Variants in GPR132 observed in about 807,000 individuals in gnomAD.
GPR132 encodes the protein probable G protein-coupled receptor 132.
In GPR132, 4 loss-of-function variants were observed where a neutral mutation model predicts 1.9. The observed-to-expected ratio is 2.13, with a 90% confidence interval of 1.05 to 4.87. GPR132 has a LOEUF of 4.87. Among genes scored for constraint, GPR132 ranks in the 30% most tolerant of loss-of-function variants. The probability of loss-of-function intolerance (pLI) is 0.01; values close to 1 mark genes in which losing one functional copy is unlikely to be tolerated. For synonymous variants in GPR132, 233 were observed against 234.2 expected (o/e 0.99, Z 0.05); for missense variants, 404 against 512.5 (o/e 0.79, Z 2.04).
intron 1 of GPR132, 121 bp from the exon 2 acceptor site, chr14:105,057,401 T>C (rs1886824629): frequency 3.8e-6 from 2 of 522,552 alleles, no homozygotes; most frequent in East Asian, 3.1e-5. Context: ...TTCGTAGGTG[T>C]TTTTTAAATG....
At position 105,060,393 on chromosome 14, in the gene GPR132, C is replaced by A. The variant is rs1284405390; in HGVS notation, c.-860-3113G>T. On this transcript the variant is annotated intron_variant, in intron 1 of 3. Transcript: ENST00000329797. This position sits in a 1 kb window ranked among gnomAD's most constrained non-coding sequence, Gnocchi z 6.3. The stretch of plus-strand genomic sequence containing the variant: ...GGGGCATGTCAGAGCCACCTGAGAC[C>A]AGTCCTGTTCCTTCTGAGCCCCGGG... Among the ~76,000 whole-genome samples, 1 of 152,180 alleles carries A rather than the reference C, an allele frequency of 6.6e-6. No homozygotes were observed. The highest frequency in any genetic ancestry group is 2.4e-5 in the African/African-American group (1 of 41,444).
rs751749467 is a variant in GPR132 at position 105,055,434 on chromosome 14, C to T, written c.-14G>A. The stretch of plus-strand genomic sequence containing the variant: ...CATTGGGCACATTCACATTCTTCTG[C>T]AACCATCGCCAGCATCCGTCGGCAG... On this transcript the variant is annotated 5_prime_UTR_variant, in exon 3 of 4. Coordinates refer to ENST00000329797, the MANE Select transcript of GPR132 (RefSeq NM_013345.4). This position sits in a 1 kb window ranked among gnomAD's most constrained non-coding sequence, Gnocchi z 4.7. 3 of 780,554 alleles carry T rather than the reference C, an allele frequency of 3.8e-6. No homozygotes were observed. The South Asian group carries it at 4.0e-5, about 10-fold the overall frequency. The allele number at this position is 780,554 out of a possible 1,614,324, so 48.4% of individuals were successfully genotyped here.
rs371347033 is a variant in GPR132 at position 105,058,944 on chromosome 14, G to A, written c.-860-1664C>T. Reference sequence around the variant, plus strand: ...CAGCCCTGCAAAGCCTGAGGGTCTCGCTCTGCTGTTTCCGGGCCCTGCAGT... The same window carrying A: ...CAGCCCTGCAAAGCCTGAGGGTCTCACTCTGCTGTTTCCGGGCCCTGCAGT... On this transcript the variant is annotated intron_variant, in intron 1 of 3. Transcript: ENST00000329797. 2.0e-4 allele frequency among the ~76,000 whole-genome samples: 30 copies of A among 152,238 alleles called. 1 individual carries two copies. Among genetic ancestry groups the A allele is most frequent in the Admixed American group, 1.5e-3 (23 of 15,288 alleles).
In GPR132 at chr14:105,051,492, G is replaced by A. The variant is rs374916742; in HGVS notation, c.645C>T (p.Ile215=). The part of the protein sequence containing the change: ...TVGFAIPLSI[I]AFTNHRIFRS... Reference sequence around the variant, plus strand: ...TGAAAATCCGGTGGTTGGTGAAGGCGATGATGGAGAGAGGGATGGCAAAGC... The same window carrying A: ...TGAAAATCCGGTGGTTGGTGAAGGCAATGATGGAGAGAGGGATGGCAAAGC... Residue 215 remains isoleucine (I), a synonymous_variant, in exon 4 of 4, where the codon ATC becomes ATT. Transcript: ENST00000329797. This position sits in a 1 kb window ranked among gnomAD's most constrained non-coding sequence, Gnocchi z 8.0. 2.0e-4 allele frequency: 325 copies of A among 1,613,898 alleles called. No individual in the cohort carries two copies. The highest frequency in any genetic ancestry group is 2.7e-4 in the Non-Finnish European group (316 of 1,180,044).
rs867075499 is a variant in GPR132 at position 105,057,170 on chromosome 14, G to A, written c.-750C>T. The A allele has an allele frequency of 1.3e-5, 20 of 1,532,282 alleles. No homozygotes were observed. Among genetic ancestry groups the A allele is most frequent in the Non-Finnish European group, 1.5e-5 (17 of 1,143,616 alleles). The allele number at this position is 1,532,282 out of a possible 1,614,324, so 94.9% of individuals were successfully genotyped here. On this transcript the variant is annotated 5_prime_UTR_variant, in exon 2 of 4. Transcript: ENST00000329797. ...AAGTCGGAGAAGGCTCTCTCACCTG[G>A]CATATTTTGCGGGTTCCAATCTCAG...
chr14:105,063,410 C>T (rs866900038), intron 1 of GPR132, among the ~76,000 whole-genome samples: 4 of 151,002 alleles, frequency 2.6e-5, no homozygotes, highest in Admixed American at 1.3e-4. Flanking sequence ...GTTTCTCTCT[C>T]GTTGCCCAGG....
chr14:105,057,608 C>T (rs1422644736), intron 1 of GPR132: 1 of 156,076 alleles, frequency 6.4e-6, no homozygotes, highest in Non-Finnish European at 1.4e-5. Context: ...GCAACCTCTG[C>T]CTCCCGGGTT....
At chr14:105,062,628 C>T (rs1356844066) in intron 1 of GPR132, among the ~76,000 whole-genome samples, 3 of 149,538 alleles carry the variant, frequency 2.0e-5, no homozygotes, top group East Asian at 2.0e-4. Context: ...GCAACCTCTA[C>T]CTCCCAGGTT....
rs1886615607 is a variant in GPR132 at position 105,050,893 on chromosome 14, C to G, written c.*101G>C. On this transcript the variant is annotated 3_prime_UTR_variant, in exon 4 of 4. Coordinates refer to ENST00000329797, the MANE Select transcript of GPR132 (RefSeq NM_013345.4). The surrounding 1 kb of genome is among the most constrained non-coding windows in gnomAD (Gnocchi z 4.0). The stretch of plus-strand genomic sequence containing the variant: ...AACGAGAAATTGGTAGTTTGTCTTC[C>G]AGAGGGGACATGGGCACTGTGGCTG... 3 of 1,100,786 alleles carry G rather than the reference C, an allele frequency of 2.7e-6. No individual in the cohort carries two copies. Among genetic ancestry groups the G allele is most frequent in the Non-Finnish European group, 3.9e-6 (3 of 762,732 alleles). 68.2% of individuals were successfully genotyped at this position (1,100,786 alleles called of 1,614,324 possible).
At chr14:105,054,285 C>T in intron 3 of GPR132, 1 of 1,084,782 alleles carries the variant, frequency 9.2e-7, no homozygotes, top group Non-Finnish European at 1.1e-6. Flanking sequence ...GCCCGCTGGC[C>T]TCAGGAACCT....
rs573530505 is a variant in GPR132 at position 105,051,852 on chromosome 14, C to T, written c.285G>A (p.Leu95=). Residue 95 remains leucine (L), a synonymous_variant, in exon 4 of 4, where the codon CTG becomes CTA. Transcript: ENST00000329797. This position sits in a 1 kb window ranked among gnomAD's most constrained non-coding sequence, Gnocchi z 8.0. Reference sequence around the variant, plus strand: ...TGCGGATATAGATGACCCAGAGTGGCAGCGTGCCTGTGTACAGCAGCTCGC... The same window carrying T: ...TGCGGATATAGATGACCCAGAGTGGTAGCGTGCCTGTGTACAGCAGCTCGC... The part of the protein sequence containing the change: ...ALCELLYTGT[L]PLWVIYIRNQ... 5.6e-6 allele frequency: 9 copies of T among 1,614,004 alleles called. No homozygotes were observed. Among genetic ancestry groups the T allele is most frequent in the Middle Eastern group, 1.6e-4 (1 of 6,062 alleles).
rs143825936 is a variant in GPR132 at position 105,061,496 on chromosome 14, T to C, written c.-861+3883A>G. 3.2e-3 allele frequency among the ~76,000 whole-genome samples: 482 copies of C among 152,250 alleles called. 2 individuals are homozygous for C. Among genetic ancestry groups the C allele is most frequent in the African/African-American group, 0.01 (435 of 41,538 alleles). ...AGGGCCCTCTCTCCGGCCAGCCCAGTGGCCCCACCCGCCAGCTGCAGTGTC... is the reference window on the plus strand; with the variant it reads ...AGGGCCCTCTCTCCGGCCAGCCCAGCGGCCCCACCCGCCAGCTGCAGTGTC... On this transcript the variant is annotated intron_variant, in intron 1 of 3. Coordinates refer to ENST00000329797, the MANE Select transcript of GPR132 (RefSeq NM_013345.4).
rs118125066 is a variant in GPR132, at chr14:105,063,143, G to A, written c.-861+2236C>T. On this transcript the variant is annotated intron_variant, in intron 1 of 3. Transcript: ENST00000329797. Reference sequence around the variant, plus strand: ...CCTATGTTACCCAGGCTGGTCTCGAGCTCCTGGGCTCAAGAAATCCGCCGG... The same window carrying A: ...CCTATGTTACCCAGGCTGGTCTCGAACTCCTGGGCTCAAGAAATCCGCCGG... Among the ~76,000 whole-genome samples, 224 of 152,102 alleles carry A rather than the reference G, an allele frequency of 1.5e-3. 6 individuals carry two copies. The East Asian group carries it at 0.027, about 18-fold the overall frequency.
In GPR132 at chr14:105,055,633, C is replaced by T. The variant is rs913762304; in HGVS notation, c.-213G>A. 1.5e-5 allele frequency: 9 copies of T among 603,094 alleles called. No individual in the cohort carries two copies. Among genetic ancestry groups the T allele is most frequent in the African/African-American group, 5.6e-5 (3 of 53,814 alleles). The allele number at this position is 603,094 out of a possible 1,614,324, so 37.4% of individuals were successfully genotyped here. On this transcript the variant is annotated 5_prime_UTR_variant, in exon 3 of 4. The change creates a new upstream start codon in the 5' untranslated region. Transcript: ENST00000329797. This position sits in a 1 kb window ranked among gnomAD's most constrained non-coding sequence, Gnocchi z 4.7. ...TCAGCGTGTGTCCTTCCGTGTCTCA[C>T]GTGCTCCACTCACCACAGTGTCCTC...
chr14:105,064,382 AG>A (rs1473658277), intron 1 of GPR132, among the ~76,000 whole-genome samples: 1 of 151,278 alleles, frequency 6.6e-6, no homozygotes, highest in African/African-American at 2.4e-5. Flanking sequence ...TGCCCAGGCT[AG>A]AGTGCAATGG....
In GPR132 at chr14:105,050,686, C is replaced by A; in HGVS notation, c.*308G>T. On this transcript the variant is annotated 3_prime_UTR_variant, in exon 4 of 4. Transcript: ENST00000329797. This position sits in a 1 kb window ranked among gnomAD's most constrained non-coding sequence, Gnocchi z 4.0. ...GCCACCAGGTACCTCTGCCAGCAGGCGTGCTACCTGCCCACAGCCAAGGGA... is the reference window on the plus strand; with the variant it reads ...GCCACCAGGTACCTCTGCCAGCAGGAGTGCTACCTGCCCACAGCCAAGGGA... The A allele has an allele frequency of 2.2e-6, 1 of 454,014 alleles. No homozygotes were observed. The allele number at this position is 454,014 out of a possible 1,614,324, so 28.1% of individuals were successfully genotyped here. A position where few individuals can be genotyped will look rare whatever the true frequency, so the allele number is the denominator to read the frequency against.
At chr14:105,053,028 T>G (rs1886693228) in intron 3 of GPR132, among the ~76,000 whole-genome samples, 1 of 152,038 alleles carries the variant, frequency 6.6e-6, no homozygotes, top group Admixed American at 6.6e-5. Context: ...TGTGAGTGCT[T>G]TTCTAAGCAG....
intron 3 of GPR132, among the ~76,000 whole-genome samples, chr14:105,053,147 C>CTTTTT (rs1162515395): frequency 4.0e-5 from 4 of 98,986 alleles, no homozygotes; most frequent in East Asian, 3.7e-4. Flanking sequence ...AACCTGTAGT[C>CTTTTT]TTTTTTTTTT....
Position 105,049,497 on chromosome 14 carries a change from A to G in GPR132, c.*1497T>C, listed in dbSNP as rs1886573309. ...AGGCTGGTCTCAAACTCCTGACCTCAACTGATCCTCCCGTCTCGGCCTCCC... is the reference window on the plus strand; with the variant it reads ...AGGCTGGTCTCAAACTCCTGACCTCGACTGATCCTCCCGTCTCGGCCTCCC... On this transcript the variant is annotated 3_prime_UTR_variant, in exon 4 of 4. Transcript: ENST00000329797. The G allele has an allele frequency of 6.6e-6, 1 of 151,994 alleles. No homozygotes were observed. Among genetic ancestry groups the G allele is most frequent in the Non-Finnish European group, 1.5e-5 (1 of 67,996 alleles). 9.4% of individuals were successfully genotyped at this position (151,994 alleles called of 1,614,324 possible).
Sources: gnomAD v4.1 joint callset for allele counts (sites outside exome capture counted in the v4.1 genomes callset) on GRCh38, gnomAD v4.1.1 for gene constraint, Gnocchi (gnomAD v3.1) non-coding constraint, MANE v1.5 for transcripts, NCBI Gene and HGNC (gene_info 2026-07-23, HGNC 2026-07-21) for gene names.